The following WWOX variants were observed in gnomAD, a reference collection of about 807,000 sequenced individuals.
The protein encoded by WWOX is WW domain-containing oxidoreductase.
In WWOX, 69 loss-of-function variants were observed where a neutral mutation model predicts 46.2. The ratio of observed to expected loss-of-function variants is 1.49; its 90% CI spans 1.23 to 1.82. WWOX has a LOEUF of 1.82. Ranked by LOEUF, WWOX falls within the 40% of genes most tolerant of loss-of-function variation. The pLI is 0.00. For synonymous variants in WWOX, 359 were observed against 202.6 expected (o/e 1.77, Z -6.56); for missense variants, 919 against 542.6 (o/e 1.69, Z -6.89).
chr16:78,384,475 A>AT (rs2082020098), intron 5 of WWOX, among the ~76,000 whole-genome samples: 1 of 152,174 alleles, frequency 6.6e-6, no homozygotes, highest in Non-Finnish European at 1.5e-5. Context: ...CAGACAGCTT[A>AT]TGAGGGTTCT....
At chr16:79,198,271 G>T (rs2051279618) in intron 8 of WWOX, among the ~76,000 whole-genome samples, 1 of 152,238 alleles carries the variant, frequency 6.6e-6, no homozygotes, top group African/African-American at 2.4e-5. Context: ...CTGGGAGGCG[G>T]AGGTTGATGT....
At chr16:79,028,249 G>C (rs1234908158) in intron 8 of WWOX, among the ~76,000 whole-genome samples, 2 of 151,782 alleles carry the variant, frequency 1.3e-5, no homozygotes, top group Admixed American at 6.6e-5. Context: ...ACGCCCGACT[G>C]CTTTATTTTC....
chr16:78,448,123 A>C (rs1047643882), intron 8 of WWOX, among the ~76,000 whole-genome samples: 2 of 152,092 alleles, frequency 1.3e-5, no homozygotes, highest in African/African-American at 4.8e-5. Context: ...TTATTAATAG[A>C]AGTTCTGGGA....
intron 8 of WWOX, among the ~76,000 whole-genome samples, chr16:78,532,321 G>A (rs1451834380): frequency 6.6e-6 from 1 of 152,152 alleles, no homozygotes; most frequent in East Asian, 1.9e-4. Flanking sequence ...TTCGGTTCAA[G>A]TCCTCTCTCT....
intron 5 of WWOX, chr16:78,167,937 C>G (rs2035026956): frequency 6.6e-6 from 1 of 152,156 alleles, no homozygotes; most frequent in Non-Finnish European, 1.5e-5. Context: ...CTGTGTTTCT[C>G]AAGGTCAATT....
intron 8 of WWOX, among the ~76,000 whole-genome samples, chr16:78,753,607 C>G (rs934464644): frequency 9.2e-5 from 14 of 151,572 alleles, no homozygotes; most frequent in African/African-American, 2.9e-4. Context: ...TGCGACCAGC[C>G]TGGCTAACAT....
intron 5 of WWOX, among the ~76,000 whole-genome samples, chr16:78,315,775 G>T (rs990405742): frequency 6.6e-6 from 1 of 151,966 alleles, no homozygotes; most frequent in African/African-American, 2.4e-5. Flanking sequence ...CCATGTTATC[G>T]CCATTTTCAG....
At chr16:78,285,355 G>A (rs2079749926) in intron 5 of WWOX, among the ~76,000 whole-genome samples, 1 of 152,072 alleles carries the variant, frequency 6.6e-6, no homozygotes, top group South Asian at 2.1e-4. Context: ...TGAGGCAGGA[G>A]GATCACTTGA....
chr16:78,635,365 C>T (rs560961762), intron 8 of WWOX, among the ~76,000 whole-genome samples: 8 of 152,264 alleles, frequency 5.3e-5, no homozygotes, highest in African/African-American at 1.9e-4. Context: ...TCCCTTAGAT[C>T]CTGATTAGGG....
chr16:78,522,183 T>G (rs1222417906), intron 8 of WWOX, among the ~76,000 whole-genome samples: 1 of 151,778 alleles, frequency 6.6e-6, no homozygotes, highest in Non-Finnish European at 1.5e-5. Context: ...GATTTGAGAT[T>G]TATTCATCTT....
At chr16:78,880,320 G>A (rs79425462) in intron 8 of WWOX, among the ~76,000 whole-genome samples, 5,748 of 152,134 alleles carry the variant, frequency 0.038, 224 homozygotes, top group Admixed American at 0.098. Context: ...GCTTTCACCC[G>A]TACCTGTGGA....
At chr16:78,217,916 C>T (rs368417970) in intron 5 of WWOX, among the ~76,000 whole-genome samples, 2 of 152,210 alleles carry the variant, frequency 1.3e-5, no homozygotes, top group African/African-American at 2.4e-5. Flanking sequence ...CTTGGCAACT[C>T]AGTTTGGACA....
At chr16:78,103,242 G>GTTTTT (rs74264852) in intron 1 of WWOX, among the ~76,000 whole-genome samples, 9 of 142,582 alleles carry the variant, frequency 6.3e-5, no homozygotes, top group African/African-American at 1.4e-4. Flanking sequence ...TGGCTCCGCT[G>GTTTTT]TTTTTTTTTT....
At chr16:78,421,677 GC>G (rs922915012) in intron 6 of WWOX, among the ~76,000 whole-genome samples, 2 of 152,120 alleles carry the variant, frequency 1.3e-5, no homozygotes, top group African/African-American at 4.8e-5. Context: ...GGAATGGTCT[GC>G]CCCAGATGCA....
At chr16:78,560,111 A>G (rs1333605026) in intron 8 of WWOX, among the ~76,000 whole-genome samples, 2 of 152,168 alleles carry the variant, frequency 1.3e-5, no homozygotes, top group Non-Finnish European at 2.9e-5. Flanking sequence ...GCAGTTCAGG[A>G]GATTATATTA....
At chr16:78,531,693 ATTTTTTTGTATTTTGGGATTCGGT>A (rs994347050) in intron 8 of WWOX, among the ~76,000 whole-genome samples, 1 of 151,558 alleles carries the variant, frequency 6.6e-6, no homozygotes, top group African/African-American at 2.4e-5. Flanking sequence ...AAATACAAAA[ATTTTTTTGTATTTTGGGATTCGGT>A]TTAGGTGATG....
intron 8 of WWOX, among the ~76,000 whole-genome samples, chr16:79,020,362 T>C (rs1289947254): frequency 6.6e-6 from 1 of 152,200 alleles, no homozygotes; most frequent in Non-Finnish European, 1.5e-5. Context: ...CCAGTGGTTA[T>C]GAATTCCGGC....
intron 8 of WWOX, among the ~76,000 whole-genome samples, chr16:79,198,760 A>G (rs1046356219): frequency 6.6e-6 from 1 of 152,322 alleles, no homozygotes. Flanking sequence ...TGGAAATACC[A>G]TATTATTATA....
intron 8 of WWOX, among the ~76,000 whole-genome samples, chr16:78,453,919 T>C (rs1002684508): frequency 2.0e-5 from 3 of 152,208 alleles, no homozygotes; most frequent in African/African-American, 7.2e-5. Flanking sequence ...GAGTTTTCTT[T>C]TGCATCAATT....
Sources: allele counts gnomAD v4.1 joint callset (sites outside exome capture counted in the v4.1 genomes callset), GRCh38; gene constraint gnomAD v4.1.1; transcripts MANE v1.5; gene names NCBI Gene and HGNC (gene_info 2026-07-23, HGNC 2026-07-21).